EYS: variants seen among roughly 807,000 people sequenced by gnomAD.
EYS encodes EGF-like photoreceptor maintenance factor.
Under a neutral mutation model 282.1 loss-of-function variants are expected in EYS, and 250 were observed. The ratio of observed to expected loss-of-function variants is 0.89; its 90% CI spans 0.80 to 0.98. The LOEUF (loss-of-function observed/expected upper bound fraction) is 0.98. Ranked by LOEUF, EYS falls within the 50% of genes least tolerant of loss-of-function variation. The pLI is 0.00. For missense variants in EYS, 4,016 were observed against 3,709.0 expected (o/e 1.08, Z -2.15); for synonymous variants, 1,355 against 1,282.9 (o/e 1.06, Z -1.20).
intron 22 of EYS, among the ~76,000 whole-genome samples, chr6:64,789,997 A>C (rs1349738890): frequency 6.6e-6 from 1 of 151,842 alleles, no homozygotes; most frequent in Non-Finnish European, 1.5e-5. Context: ...TTTTTTTACG[A>C]GGAAGATACA....
intron 24 of EYS, among the ~76,000 whole-genome samples, chr6:64,602,437 T>C (rs1166246473): frequency 6.6e-6 from 1 of 152,042 alleles, no homozygotes; most frequent in Non-Finnish European, 1.5e-5. Context: ...GCACCAGTCT[T>C]GAGCTACAAG....
chr6:64,745,406 A>G (rs1445923736), intron 22 of EYS, among the ~76,000 whole-genome samples: 1 of 152,186 alleles, frequency 6.6e-6, no homozygotes, highest in Non-Finnish European at 1.5e-5. Context: ...TAACTATTTT[A>G]TTAAAGTGAA....
intron 22 of EYS, among the ~76,000 whole-genome samples, chr6:64,764,926 A>T (rs531823419): frequency 6.6e-6 from 1 of 152,126 alleles, no homozygotes; most frequent in Non-Finnish European, 1.5e-5. Flanking sequence ...TAATAGAGAT[A>T]TGGTATCTCC....
intron 36 of EYS, among the ~76,000 whole-genome samples, chr6:63,839,868 A>G (rs1050579247): frequency 2.0e-5 from 3 of 152,154 alleles, no homozygotes; most frequent in South Asian, 2.1e-4. Context: ...CCTCGCCAGC[A>G]TTTGTTATTT....
At chr6:65,356,184 C>A (rs894379453) in intron 8 of EYS, among the ~76,000 whole-genome samples, 4 of 151,934 alleles carry the variant, frequency 2.6e-5, no homozygotes, top group African/African-American at 7.2e-5. Context: ...AGAATAAAAT[C>A]ATGTCTTCTG....
chr6:63,842,189 G>C (rs1237983485), intron 36 of EYS, among the ~76,000 whole-genome samples: 1 of 152,082 alleles, frequency 6.6e-6, no homozygotes, highest in East Asian at 1.9e-4. Context: ...CCCCACACTG[G>C]CTTCCACAAT....
At chr6:64,390,285 G>A (rs1361132541) in intron 28 of EYS, among the ~76,000 whole-genome samples, 1 of 152,210 alleles carries the variant, frequency 6.6e-6, no homozygotes, top group African/African-American at 2.4e-5. Context: ...GCTCAAGGAG[G>A]CCGGTCTGCC....
intron 29 of EYS, among the ~76,000 whole-genome samples, chr6:64,341,754 T>G (rs1241413248): frequency 6.6e-6 from 1 of 151,664 alleles, no homozygotes; most frequent in East Asian, 1.9e-4. Context: ...TCCTTTATCT[T>G]TCATAGATGG....
Position 64,851,719 on chromosome 6 carries a change from T to C in EYS, c.2993-28897A>G, listed in dbSNP as rs548050603. On this transcript the variant is annotated intron_variant, in intron 19 of 42. Transcript: ENST00000503581. ...GAAACAGAAACCAAATATTGCATGT[T>C]CTTACTTGTAAGTGGGAGCTAAATG... 5.1e-4 allele frequency among the ~76,000 whole-genome samples: 77 copies of C among 152,230 alleles called. 1 individual carries two copies. The highest frequency in any genetic ancestry group is 1.8e-3 in the African/African-American group (74 of 41,554).
At chr6:64,037,140 A>C (rs1228525739) in intron 33 of EYS, among the ~76,000 whole-genome samples, 1 of 152,242 alleles carries the variant, frequency 6.6e-6, no homozygotes, top group East Asian at 1.9e-4. Flanking sequence ...TATAATGATT[A>C]CAGTGGCAAA....
rs75589705 is a variant in EYS at position 65,648,707 on chromosome 6, T to TAA, written c.-447-8817_-447-8816dup. ...CCTGTTCCCCAAACACCTATTGAAA[T>TAA]AAAAAAAAAATCAATTTATAAAACA... is the stretch of plus-strand genomic sequence containing the variant. On this transcript the variant is annotated intron_variant, in intron 1 of 42. Coordinates refer to ENST00000503581, the MANE Select transcript of EYS (RefSeq NM_001142800.2). Among the ~76,000 whole-genome samples, 450 of 147,554 alleles carry TAA rather than the reference T, an allele frequency of 3.0e-3. 4 individuals are homozygous for TAA. Among genetic ancestry groups the TAA allele is most frequent in the East Asian group, 4.8e-3 (24 of 4,990 alleles).
chr6:64,302,607 A>C (rs1321031871), intron 30 of EYS, among the ~76,000 whole-genome samples: 2 of 151,606 alleles, frequency 1.3e-5, no homozygotes, highest in Non-Finnish European at 3.0e-5. Flanking sequence ...TGGAATATCC[A>C]ACATTCCATA....
chr6:63,741,977 T>C, intron 41 of EYS: 1 of 702,386 alleles, frequency 1.4e-6, no homozygotes. Context: ...GGATAAGTGC[T>C]AAGAAGACAA....
chr6:65,367,543 C>G (rs936240346), intron 8 of EYS, among the ~76,000 whole-genome samples: 8 of 151,468 alleles, frequency 5.3e-5, no homozygotes, highest in African/African-American at 1.9e-4. Flanking sequence ...TAACTATTCA[C>G]AAGCATTGCA....
intron 12 of EYS, among the ~76,000 whole-genome samples, chr6:65,163,666 G>A (rs760383085): frequency 1.3e-5 from 2 of 151,212 alleles, no homozygotes; most frequent in Non-Finnish European, 1.5e-5. Context: ...AAGCTCATCC[G>A]ATTCCTGCTT....
chr6:63,796,777 G>A (rs1218861968), intron 37 of EYS, among the ~76,000 whole-genome samples: 3 of 152,168 alleles, frequency 2.0e-5, no homozygotes, highest in Admixed American at 6.6e-5. Context: ...AACTGGTAAA[G>A]ATAACACCTC....
At chr6:63,978,368 A>T (rs779274065) in intron 35 of EYS, among the ~76,000 whole-genome samples, 2 of 151,980 alleles carry the variant, frequency 1.3e-5, no homozygotes, top group Non-Finnish European at 2.9e-5. Flanking sequence ...AATCTAACTA[A>T]ATATAAAATA....
rs201743269 is a variant in EYS, at chr6:65,306,832, CAAAAAAAAA to C, written c.1767-10722_1767-10714del. Among the ~76,000 whole-genome samples the C allele has an allele frequency of 2.7e-3, 141 of 51,698 alleles. 1 individual carries two copies. The highest frequency in any genetic ancestry group is 9.8e-3 in the African/African-American group (118 of 12,078). 33.9% of individuals were successfully genotyped at this position (51,698 alleles called of 152,430 possible). A position where few individuals can be genotyped will look rare whatever the true frequency, so the allele number is the denominator to read the frequency against. ...TGGGCAGCAGAGCAAGAGTCCGTCT[CAAAAAAAAA>C]AAAAAAAAAAAAAAAAAAAAAGAAA... is the stretch of plus-strand genomic sequence containing the variant. On this transcript the variant is annotated intron_variant, in intron 11 of 42. Transcript: ENST00000503581.
chr6:63,957,122 T>TAATCCTCTCTTCATAACATAA (rs1172790853), intron 35 of EYS, among the ~76,000 whole-genome samples: 1 of 142,506 alleles, frequency 7.0e-6, no homozygotes, highest in Admixed American at 7.4e-5. Context: ...GGATGAAGCT[T>TAATCCTCTCTTCATAACATAA]ATGTAAGACA....
Sources: gnomAD v4.1 joint callset for allele counts (sites outside exome capture counted in the v4.1 genomes callset) on GRCh38, gnomAD v4.1.1 for gene constraint, MANE v1.5 for transcripts, NCBI Gene and HGNC (gene_info 2026-07-23, HGNC 2026-07-21) for gene names.